Variants in MCMBP observed in about 807,000 individuals in gnomAD.
MCMBP encodes the protein minichromosome maintenance complex binding protein, also known as mini-chromosome maintenance complex-binding protein.
MCMBP carries 31 observed loss-of-function variants against 81.3 expected under a neutral mutation model. That is an observed-to-expected ratio of 0.38 (90% CI 0.29 to 0.51). The LOEUF (loss-of-function observed/expected upper bound fraction) is 0.51, where lower values mean the gene tolerates loss of function less well. MCMBP is among the 20% of genes least tolerant of loss of function. The probability of loss-of-function intolerance (pLI) is 0.87; values close to 1 mark genes in which losing one functional copy is unlikely to be tolerated. For missense variants in MCMBP, 645 were observed against 772.1 expected, an observed-to-expected ratio of 0.84 and a Z score of 1.95; for synonymous variants, 267 against 275.9, an observed-to-expected ratio of 0.97 and a Z score of 0.32.
intron 5 of MCMBP, among the ~76,000 whole-genome samples, chr10:119,856,844 C>A (rs1213720945): frequency 6.6e-6 from 1 of 151,918 alleles, no homozygotes; most frequent in African/African-American, 2.4e-5. Context: ...GTGCCTTAGG[C>A]GGAGCATGCA....
chr10:119,843,220 C>T (rs17099338), intron 9 of MCMBP, 34 bp downstream of exon 9: 111,177 of 1,611,418 alleles, frequency 0.069, 6,380 homozygotes, highest in South Asian at 0.25. Context: ...GGCTAACAGT[C>T]GATAGTTGAC....
In MCMBP at chr10:119,859,770, C is replaced by G. The variant is rs1457129180; in HGVS notation, c.144+29G>C. The G allele has an allele frequency of 9.2e-6, 14 of 1,520,822 alleles. No homozygotes were observed. In the South Asian group the frequency reaches 1.5e-4, roughly 16 times the overall value. 94.2% of individuals were successfully genotyped at this position (1,520,822 alleles called of 1,614,324 possible). On this transcript the variant is annotated intron_variant, in intron 2 of 15. Coordinates refer to ENST00000369077, the MANE Select transcript of MCMBP (RefSeq NM_001256378.2). ...GAGAAACTGTATAGTCTGTCCAACC[C>G]TCTCCCTCGAAAATAGCAATAAGCT...
chr10:119,864,139 C>A (rs1364002733), intron 1 of MCMBP, among the ~76,000 whole-genome samples: 2 of 152,104 alleles, frequency 1.3e-5, no homozygotes, highest in Non-Finnish European at 2.9e-5. Context: ...CGGAAGGGGG[C>A]CACAAGCCAA....
intron 1 of MCMBP, among the ~76,000 whole-genome samples, chr10:119,860,740 A>G (rs545523946): frequency 6.6e-6 from 1 of 152,226 alleles, no homozygotes; most frequent in Non-Finnish European, 1.5e-5. Flanking sequence ...TTTTTTAAAA[A>G]TTGAATGCTT....
Position 119,830,658 on chromosome 10 carries a change from G to C in MCMBP, c.*816C>G, listed in dbSNP as rs986363534. 19 of 152,522 alleles carry C rather than the reference G, an allele frequency of 1.2e-4. No individual in the cohort carries two copies. The highest frequency in any genetic ancestry group is 4.6e-4 in the African/African-American group (19 of 41,424). The allele number at this position is 152,522 out of a possible 1,614,324, so 9.4% of individuals were successfully genotyped here. A position where few individuals can be genotyped will look rare whatever the true frequency, so the allele number is the denominator to read the frequency against. ...GATAGGAGAAAATAAAGACAATGTA[G>C]TGTCTTGGTTTCTTTTGCCCCCAAA... On this transcript the variant is annotated 3_prime_UTR_variant, in exon 16 of 16. Transcript: ENST00000369077.
rs554335544 is a variant in MCMBP, at chr10:119,856,672, G to C, written c.429+666C>G. Among the ~76,000 whole-genome samples, 107 of 152,292 alleles carry C rather than the reference G, an allele frequency of 7.0e-4. 1 individual carries two copies. Among genetic ancestry groups the C allele is most frequent in the Non-Finnish European group, 1.3e-3 (90 of 68,030 alleles). ...CTTAAAATCTGTGCATTTCAGTGTA[G>C]GTGGGCCATGCCTTAAAAAATTACT... On this transcript the variant is annotated intron_variant, in intron 5 of 15. Transcript: ENST00000369077.
In MCMBP at chr10:119,838,272, TTA is replaced by T. The variant is rs567879463; in HGVS notation, c.1408+261_1408+262del. Among the ~76,000 whole-genome samples, 900 of 148,218 alleles carry T rather than the reference TTA, an allele frequency of 6.1e-3. 5 individuals carry two copies. The highest frequency in any genetic ancestry group is 6.4e-3 in the Non-Finnish European group (429 of 67,306). On this transcript the variant is annotated intron_variant, in intron 12 of 15. Coordinates refer to ENST00000369077, the MANE Select transcript of MCMBP (RefSeq NM_001256378.2). The stretch of plus-strand genomic sequence containing the variant: ...TATATATTAAATGAGACATTATATA[TTA>T]TATATGATATATATTATATAAGATA...
chr10:119,862,924 G>C (rs2134398479), intron 1 of MCMBP, among the ~76,000 whole-genome samples: 1 of 152,216 alleles, frequency 6.6e-6, no homozygotes, highest in Middle Eastern at 3.4e-3. Flanking sequence ...TCTTCTCAGG[G>C]GGATATTTGC....
chr10:119,872,260 A>G (rs1853707198), intron 1 of MCMBP, among the ~76,000 whole-genome samples: 1 of 151,526 alleles, frequency 6.6e-6, no homozygotes, highest in South Asian at 2.1e-4. Context: ...CCCGCGAATC[A>G]CAGCCCGCGC....
intron 14 of MCMBP, 76 bp downstream of exon 14, chr10:119,835,464 G>A (rs980639968): frequency 5.6e-6 from 7 of 1,257,990 alleles, no homozygotes; most frequent in South Asian, 1.4e-5. Context: ...TACCTTATCA[G>A]TAATTATGGT....
intron 1 of MCMBP, among the ~76,000 whole-genome samples, chr10:119,864,338 G>A (rs1043609410): frequency 1.3e-5 from 2 of 152,332 alleles, no homozygotes; most frequent in African/African-American, 4.8e-5. Context: ...ATTTATTACA[G>A]GAGAAATAGA....
intron 14 of MCMBP, 120 bp from the exon 15 acceptor site, chr10:119,832,220 G>A: frequency 2.8e-6 from 2 of 704,828 alleles, no homozygotes; most frequent in Non-Finnish European, 4.6e-6. Context: ...AGGCAATATG[G>A]GTGAAAGTAC....
chr10:119,870,244 C>G (rs927308965), intron 1 of MCMBP, among the ~76,000 whole-genome samples: 3 of 152,162 alleles, frequency 2.0e-5, no homozygotes, highest in Admixed American at 2.0e-4. Context: ...GTCAAGAGAT[C>G]TAGACCATCC....
chr10:119,838,438 G>A (rs1395295475), intron 12 of MCMBP, 97 bp downstream of exon 12: 5 of 1,170,414 alleles, frequency 4.3e-6, no homozygotes, highest in Admixed American at 2.4e-5. Context: ...GTTGTTAAAT[G>A]TGAATTTGTC....
At chr10:119,837,988 T>G (rs56155929) in intron 12 of MCMBP, among the ~76,000 whole-genome samples, 2,521 of 151,884 alleles carry the variant, frequency 0.017, 36 homozygotes, top group Non-Finnish European at 0.024. Context: ...CTGGGCAACA[T>G]AGCGAGACCC....
In MCMBP at chr10:119,831,592, G is replaced by C. The variant is rs35371199; in HGVS notation, c.1805C>G (p.Ser602Cys). The C allele has an allele frequency of 3.5e-5, 56 of 1,613,136 alleles. No homozygotes were observed. The highest frequency in any genetic ancestry group is 3.3e-4 in the Middle Eastern group (2 of 6,082). ...HQLLVVARCL[S>C]LSAGQTTLSR... Reference sequence around the variant, plus strand: ...CAGCGTTGTCTGACCAGCACTGAGAGACAGACACCTGGTTTGAAACACAGA... The same window carrying C: ...CAGCGTTGTCTGACCAGCACTGAGACACAGACACCTGGTTTGAAACACAGA... The change falls in exon 16 of 16, where the codon TCT becomes TGT. Residue 602 changes from serine (S) to cysteine (C), a missense_variant. Transcript: ENST00000369077.
At chr10:119,845,645 T>C (rs1256030665) in intron 8 of MCMBP, among the ~76,000 whole-genome samples, 2 of 152,072 alleles carry the variant, frequency 1.3e-5, no homozygotes, top group African/African-American at 2.4e-5. Flanking sequence ...AATAATGAAA[T>C]CACACTGAAG....
At chr10:119,868,585 G>A (rs953481178) in intron 1 of MCMBP, among the ~76,000 whole-genome samples, 2 of 152,168 alleles carry the variant, frequency 1.3e-5, no homozygotes, top group African/African-American at 4.8e-5. Context: ...AGGATACAGT[G>A]GTGAATAATG....
At chr10:119,834,861 CAAAAAA>C (rs71019725) in intron 14 of MCMBP, among the ~76,000 whole-genome samples, 19 of 67,282 alleles carry the variant, frequency 2.8e-4, no homozygotes, top group African/African-American at 1.0e-3. Flanking sequence ...GACCCTGTCT[CAAAAAA>C]AAAAAAAAAA....
Sources: allele counts gnomAD v4.1 joint callset (sites outside exome capture counted in the v4.1 genomes callset), GRCh38; gene constraint gnomAD v4.1.1; transcripts MANE v1.5; gene names NCBI Gene and HGNC (gene_info 2026-07-23, HGNC 2026-07-21).